Variants in GRIN2B observed in about 807,000 individuals in gnomAD.
GRIN2B encodes the protein glutamate ionotropic receptor NMDA type subunit 2B.
A neutral mutation model predicts 114.5 loss-of-function variants in GRIN2B; 5 were observed. The observed-to-expected ratio is 0.04, with a 90% confidence interval of 0.02 to 0.09. GRIN2B has a LOEUF of 0.09. GRIN2B is among the 10% of genes least tolerant of loss of function. The pLI is 1.00. For missense variants in GRIN2B, 1,108 were observed against 1,943.5 expected, an observed-to-expected ratio of 0.57 and a Z score of 8.08; for synonymous variants, 787 against 745.1, an observed-to-expected ratio of 1.06 and a Z score of -0.92.
intron 5 of GRIN2B, among the ~76,000 whole-genome samples, chr12:13,648,262 C>T (rs1437611193): frequency 6.6e-6 from 1 of 151,980 alleles, no homozygotes. Context: ...TTATTCCATG[C>T]CAGGCCCAGG....
At chr12:13,749,701 A>G (rs957516670) in intron 4 of GRIN2B, among the ~76,000 whole-genome samples, 4 of 152,144 alleles carry the variant, frequency 2.6e-5, no homozygotes, top group Non-Finnish European at 4.4e-5. Context: ...GAGCAGGGTA[A>G]GTAGGAGGAG....
intron 10 of GRIN2B, among the ~76,000 whole-genome samples, chr12:13,573,373 C>T (rs1591613298): frequency 6.7e-6 from 1 of 149,142 alleles, no homozygotes; most frequent in South Asian, 2.1e-4. Context: ...ATGGCATGAA[C>T]CCAGGAGGCA....
intron 10 of GRIN2B, among the ~76,000 whole-genome samples, chr12:13,596,633 A>G (rs939362714): frequency 6.6e-6 from 1 of 152,232 alleles, no homozygotes; most frequent in South Asian, 2.1e-4. Context: ...TGCCTAGCAG[A>G]GAGAAAACAT....
chr12:13,786,562 G>C (rs1864224782), intron 3 of GRIN2B, among the ~76,000 whole-genome samples: 2 of 152,038 alleles, frequency 1.3e-5, no homozygotes, highest in African/African-American at 4.8e-5. Flanking sequence ...ACATACTTAA[G>C]AAAGCAGACC....
chr12:13,594,557 G>A (rs1242095389), intron 10 of GRIN2B, among the ~76,000 whole-genome samples: 1 of 151,882 alleles, frequency 6.6e-6, no homozygotes, highest in Non-Finnish European at 1.5e-5. Context: ...ATAGCATTAG[G>A]AGAAATACCT....
chr12:13,579,644 A>T (rs1948820505), intron 10 of GRIN2B, among the ~76,000 whole-genome samples: 1 of 152,170 alleles, frequency 6.6e-6, no homozygotes, highest in African/African-American at 2.4e-5. Flanking sequence ...GAATGACAAG[A>T]TTGGGTTTTT....
At chr12:13,726,831 G>A (rs1429363897) in intron 4 of GRIN2B, among the ~76,000 whole-genome samples, 5 of 151,644 alleles carry the variant, frequency 3.3e-5, no homozygotes, top group East Asian at 1.9e-4. Flanking sequence ...GACCCTTTCC[G>A]CAAGTCCACA....
At chr12:13,899,244 AC>A (rs1267800802) in intron 2 of GRIN2B, among the ~76,000 whole-genome samples, 1 of 152,224 alleles carries the variant, frequency 6.6e-6, no homozygotes, top group African/African-American at 2.4e-5. Flanking sequence ...AGTCAAAAAA[AC>A]AAAAACAAAA....
chr12:13,585,857 C>G (rs567258920), intron 10 of GRIN2B, among the ~76,000 whole-genome samples: 1 of 152,320 alleles, frequency 6.6e-6, no homozygotes, highest in Non-Finnish European at 1.5e-5. Flanking sequence ...AGTCTCCACA[C>G]ATGTATTGAG....
At chr12:13,917,514 T>C (rs973773842) in intron 2 of GRIN2B, among the ~76,000 whole-genome samples, 2 of 152,064 alleles carry the variant, frequency 1.3e-5, no homozygotes, top group Non-Finnish European at 2.9e-5. Flanking sequence ...AGCCATAAAG[T>C]ACAGTCCAAT....
Position 13,801,829 on chromosome 12 carries a change from G to A in GRIN2B, c.412-47914C>T, listed in dbSNP as rs117382798. Among the ~76,000 whole-genome samples the A allele has an allele frequency of 3.4e-4, 51 of 152,190 alleles. No individual in the cohort carries two copies. In the East Asian group the frequency reaches 8.7e-3, roughly 26 times the overall value. On this transcript the variant is annotated intron_variant, in intron 3 of 13. Transcript: ENST00000609686. ...CTGTCTTACATGTCATCCATCTCTT[G>A]TTGGACTAAGCACTTCAGTCTGTTC...
rs111578930 is a variant in GRIN2B at position 13,597,189 on chromosome 12, A to C, written c.2010+11414T>G. ...TAAAGATTAAAAGTAGTGAGGCAGGAGAATAGGGTCTGGAGGAAGGGAACT... is the reference window on the plus strand; with the variant it reads ...TAAAGATTAAAAGTAGTGAGGCAGGCGAATAGGGTCTGGAGGAAGGGAACT... On this transcript the variant is annotated intron_variant, in intron 10 of 13. Transcript: ENST00000609686. Among the ~76,000 whole-genome samples, 1,073 of 152,310 alleles carry C rather than the reference A, an allele frequency of 7.0e-3. 17 individuals are homozygous for C. Among genetic ancestry groups the C allele is most frequent in the African/African-American group, 0.024 (1,001 of 41,558 alleles).
At chr12:13,672,255 A>G (rs1436621427) in intron 5 of GRIN2B, among the ~76,000 whole-genome samples, 2 of 152,108 alleles carry the variant, frequency 1.3e-5, no homozygotes, top group Admixed American at 1.3e-4. Flanking sequence ...AAAAGTGAAA[A>G]AAGCAGGTCC....
intron 3 of GRIN2B, among the ~76,000 whole-genome samples, chr12:13,762,148 C>T (rs572217619): frequency 3.3e-5 from 5 of 152,150 alleles, no homozygotes; most frequent in East Asian, 1.9e-4. Context: ...GGACTACAGG[C>T]GCCCGCCACC....
In GRIN2B at chr12:13,539,301, T is replaced by C. The variant is rs1224771101; in HGVS notation, c.*23482A>G. 2 of 152,170 alleles carry C rather than the reference T, an allele frequency of 1.3e-5. No individual in the cohort carries two copies. Among genetic ancestry groups the C allele is most frequent in the African/African-American group, 2.4e-5 (1 of 41,448 alleles). The allele number at this position is 152,170 out of a possible 1,614,324, so 9.4% of individuals were successfully genotyped here. A position where few individuals can be genotyped will look rare whatever the true frequency, so the allele number is the denominator to read the frequency against. On this transcript the variant is annotated 3_prime_UTR_variant, in exon 14 of 14. Coordinates refer to ENST00000609686, the MANE Select transcript of GRIN2B (RefSeq NM_000834.5). Reference sequence around the variant, plus strand: ...CATGAGACAGAGTTCTTCTAAATGGTCTCTAGAAGGTCCTTTCCAGTACTA... The same window carrying C: ...CATGAGACAGAGTTCTTCTAAATGGCCTCTAGAAGGTCCTTTCCAGTACTA...
In GRIN2B at chr12:13,544,916, C is replaced by T. The variant is rs1301320584; in HGVS notation, c.*17867G>A. On this transcript the variant is annotated 3_prime_UTR_variant, in exon 14 of 14. Transcript: ENST00000609686. ...TCTCAACACAGCAGTCCCAAAGCTT[C>T]CTCTTCAACTGAAGTCAGATCATAT... is the stretch of plus-strand genomic sequence containing the variant. 2.6e-5 allele frequency: 4 copies of T among 152,248 alleles called. No homozygotes were observed. Among genetic ancestry groups the T allele is most frequent in the African/African-American group, 7.2e-5 (3 of 41,466 alleles). 9.4% of individuals were successfully genotyped at this position (152,248 alleles called of 1,614,324 possible). A position where few individuals can be genotyped will look rare whatever the true frequency, so the allele number is the denominator to read the frequency against.
chr12:13,680,155 G>A (rs1463912724), intron 4 of GRIN2B, among the ~76,000 whole-genome samples: 1 of 152,004 alleles, frequency 6.6e-6, no homozygotes, highest in Non-Finnish European at 1.5e-5. Flanking sequence ...AGATCAAATG[G>A]CTATATTAAT....
intron 3 of GRIN2B, among the ~76,000 whole-genome samples, chr12:13,830,587 CA>C (rs1244375981): frequency 6.6e-6 from 1 of 152,018 alleles, no homozygotes; most frequent in Non-Finnish European, 1.5e-5. Context: ...AGAAGAAGGC[CA>C]AATGTATCTG....
intron 2 of GRIN2B, among the ~76,000 whole-genome samples, chr12:13,891,439 T>C (rs1866261012): frequency 6.6e-6 from 1 of 152,168 alleles, no homozygotes; most frequent in Non-Finnish European, 1.5e-5. Flanking sequence ...ATGGTCATTG[T>C]AAGGCATTGT....
Sources: allele counts gnomAD v4.1 joint callset (sites outside exome capture counted in the v4.1 genomes callset), GRCh38; gene constraint gnomAD v4.1.1; transcripts MANE v1.5; gene names NCBI Gene and HGNC (gene_info 2026-07-23, HGNC 2026-07-21).